The following DIAPH3 variants were observed in gnomAD, a reference collection of about 807,000 sequenced individuals.
DIAPH3 encodes the protein protein diaphanous homolog 3.
A neutral mutation model predicts 144.3 loss-of-function variants in DIAPH3; 117 were observed. The observed-to-expected ratio is 0.81, with a 90% CI of 0.70 to 0.95. DIAPH3 has a LOEUF of 0.95. Among genes scored for constraint, DIAPH3 ranks in the 40% least tolerant of loss-of-function variants. DIAPH3 has a pLI of 0.00. For synonymous variants in DIAPH3, 519 were observed against 488.9 expected (o/e 1.06, Z -0.81); for missense variants, 1,421 against 1,412.7 (o/e 1.01, Z -0.09).
chr13:59,680,499 G>C (rs965322212), intron 27 of DIAPH3, among the ~76,000 whole-genome samples: 1 of 151,836 alleles, frequency 6.6e-6, no homozygotes, highest in East Asian at 1.9e-4. Context: ...GAACTTCAGG[G>C]ATGCTAATCA....
At position 59,757,982 on chromosome 13, in the gene DIAPH3, T is replaced by G. The variant is rs146601495; in HGVS notation, c.3319+16207A>C. ...ACACAGGACAGACTTGAATAAGCAC[T>G]TCACATAATAGGATACCCACAAAAG... is the stretch of plus-strand genomic sequence containing the variant. On this transcript the variant is annotated intron_variant, in intron 27 of 27. Transcript: ENST00000400324. Among the ~76,000 whole-genome samples, 406 of 152,258 alleles carry G rather than the reference T, an allele frequency of 2.7e-3. 3 individuals are homozygous for G. The highest frequency in any genetic ancestry group is 0.01 in the Middle Eastern group (3 of 294).
chr13:59,983,811 T>C lies in DIAPH3; in HGVS notation c.1438A>G (p.Thr480Ala), dbSNP rs2051191684. The change falls in exon 13 of 28, where the codon ACA becomes GCA. Residue 480 changes from threonine (T) to alanine (A), a missense_variant. Physicochemically the swap from Thr to Ala is moderately conservative, Grantham distance 58. Transcript: ENST00000400324. ...LHRDGMDPDFTYRKRLDLDLT... is the reference protein window; with the variant it reads ...LHRDGMDPDFAYRKRLDLDLT... ...TCTAAATCTAGTCTTTTTCGATATGTGAAGTCTGGATCCATTCCATCTCTA... is the reference window on the plus strand; with the variant it reads ...TCTAAATCTAGTCTTTTTCGATATGCGAAGTCTGGATCCATTCCATCTCTA... 2 of 1,609,626 alleles carry C rather than the reference T, an allele frequency of 1.2e-6. No individual in the cohort carries two copies. Among genetic ancestry groups the C allele is most frequent in the Admixed American group, 3.3e-5 (2 of 59,704 alleles).
At chr13:59,983,050 C>A (rs1213831083) in intron 13 of DIAPH3, among the ~76,000 whole-genome samples, 1 of 147,456 alleles carries the variant, frequency 6.8e-6, no homozygotes, top group Non-Finnish European at 1.5e-5. Flanking sequence ...TATAGGCTCA[C>A]TTTATTTCAT....
At chr13:59,872,786 A>C (rs961287511) in intron 21 of DIAPH3, among the ~76,000 whole-genome samples, 2 of 152,226 alleles carry the variant, frequency 1.3e-5, no homozygotes, top group Non-Finnish European at 2.9e-5. Context: ...GTTGTCTATA[A>C]GCCTGACGCC....
intron 17 of DIAPH3, among the ~76,000 whole-genome samples, chr13:59,938,654 T>A (rs2048372961): frequency 6.6e-6 from 1 of 151,990 alleles, no homozygotes; most frequent in Non-Finnish European, 1.5e-5. Flanking sequence ...CATACAGACC[T>A]CTTTTCCACT....
At chr13:60,129,936 TA>T (rs1299228777) in intron 2 of DIAPH3, among the ~76,000 whole-genome samples, 1 of 152,166 alleles carries the variant, frequency 6.6e-6, no homozygotes, top group East Asian at 1.9e-4. Flanking sequence ...TCTCTGTCTG[TA>T]CATCAAGAAA....
At chr13:59,674,320 A>G (rs903122369) in intron 27 of DIAPH3, among the ~76,000 whole-genome samples, 1 of 152,202 alleles carries the variant, frequency 6.6e-6, no homozygotes, top group African/African-American at 2.4e-5. Flanking sequence ...TAGTATATTT[A>G]CCTTGTTTGA....
chr13:59,851,265 T>C (rs2042952477), intron 22 of DIAPH3, among the ~76,000 whole-genome samples: 1 of 152,114 alleles, frequency 6.6e-6, no homozygotes, highest in Non-Finnish European at 1.5e-5. Flanking sequence ...GCTCCCCCTC[T>C]CTCCCTCTGC....
At chr13:60,015,013 A>T (rs73212301) in intron 7 of DIAPH3, among the ~76,000 whole-genome samples, 36,394 of 105,144 alleles carry the variant, frequency 0.35, 5,371 homozygotes, top group Admixed American at 0.47. Flanking sequence ...TGTTTTGTTT[A>T]AGGACAGGGA....
At chr13:59,976,239 C>A (rs938260526) in intron 14 of DIAPH3, among the ~76,000 whole-genome samples, 1 of 151,974 alleles carries the variant, frequency 6.6e-6, no homozygotes, top group Non-Finnish European at 1.5e-5. Flanking sequence ...AAAACGCTGA[C>A]TTACCAAATT....
intron 23 of DIAPH3, chr13:59,839,019 G>C (rs1566392276): frequency 3.4e-6 from 1 of 290,204 alleles, no homozygotes; most frequent in Non-Finnish European, 6.8e-6. Flanking sequence ...ACTGAGGCAG[G>C]AGAATTGCTT....
At chr13:59,846,591 G>A (rs2042645392) in intron 22 of DIAPH3, among the ~76,000 whole-genome samples, 1 of 151,768 alleles carries the variant, frequency 6.6e-6, no homozygotes, top group Admixed American at 6.6e-5. Context: ...GGACAAGGTG[G>A]TCCAAAACAA....
At chr13:59,825,824 TA>T (rs1312305864) in intron 24 of DIAPH3, among the ~76,000 whole-genome samples, 1 of 152,152 alleles carries the variant, frequency 6.6e-6, no homozygotes, top group Non-Finnish European at 1.5e-5. Flanking sequence ...TTTGGCTGCA[TA>T]AATGTCTTCT....
At chr13:60,082,010 C>T (rs1398121123) in intron 4 of DIAPH3, among the ~76,000 whole-genome samples, 1 of 151,668 alleles carries the variant, frequency 6.6e-6, no homozygotes, top group African/African-American at 2.4e-5. Flanking sequence ...AAAGACACCT[C>T]AAAGACAAAC....
In DIAPH3 at chr13:60,006,011, T is replaced by C. The variant is rs2052853870; in HGVS notation, c.1014+2533A>G. Reference sequence around the variant, plus strand: ...ACTAAATATAAGTTTATCATGACTATAGAAATGTTATTTTTCCACAGAAGA... The same window carrying C: ...ACTAAATATAAGTTTATCATGACTACAGAAATGTTATTTTTCCACAGAAGA... On this transcript the variant is annotated intron_variant, in intron 9 of 27. Transcript: ENST00000400324. 3.3e-5 allele frequency among the ~76,000 whole-genome samples: 5 copies of C among 152,134 alleles called. No homozygotes were observed. The South Asian group carries it at 1.0e-3, about 32-fold the overall frequency.
chr13:59,952,800 G>C (rs1594107090), intron 17 of DIAPH3, among the ~76,000 whole-genome samples: 1 of 152,130 alleles, frequency 6.6e-6, no homozygotes, highest in Non-Finnish European at 1.5e-5. Context: ...GTTTGCTTGA[G>C]GAGGCTGAAA....
intron 17 of DIAPH3, among the ~76,000 whole-genome samples, chr13:59,933,611 A>C (rs994757431): frequency 3.3e-5 from 5 of 152,196 alleles, no homozygotes; most frequent in Admixed American, 6.5e-5. Flanking sequence ...TTGCCATTAG[A>C]GTTTTGTGTT....
At chr13:59,710,708 T>C (rs1309327887) in intron 27 of DIAPH3, among the ~76,000 whole-genome samples, 1 of 152,194 alleles carries the variant, frequency 6.6e-6, no homozygotes, top group Non-Finnish European at 1.5e-5. Context: ...TACGTAAATA[T>C]CCTAGCAGAG....
intron 3 of DIAPH3, among the ~76,000 whole-genome samples, chr13:60,111,198 C>T (rs1267945780): frequency 6.6e-6 from 1 of 152,086 alleles, no homozygotes; most frequent in Non-Finnish European, 1.5e-5. Context: ...AAGAGAGTTA[C>T]CTTCATATAG....
Sources: allele counts gnomAD v4.1 joint callset (sites outside exome capture counted in the v4.1 genomes callset), GRCh38; gene constraint gnomAD v4.1.1; transcripts MANE v1.5; gene names NCBI Gene and HGNC (gene_info 2026-07-23, HGNC 2026-07-21).